Variants in ZNF496 observed in about 807,000 individuals in gnomAD.
ZNF496 encodes zinc finger protein 496, also known as NSD1 (nuclear receptor binding SET-domain containing 1)-interacting zinc finger protein 1.
In ZNF496, 11 loss-of-function variants were observed where a neutral mutation model predicts 58.9. The observed-to-expected ratio is 0.19, with a 90% CI of 0.12 to 0.31. The LOEUF (loss-of-function observed/expected upper bound fraction) is 0.31, where lower values mean the gene tolerates loss of function less well. ZNF496 is among the 10% of genes least tolerant of loss of function. The probability of loss-of-function intolerance (pLI) is 1.00; values close to 1 mark genes in which losing one functional copy is unlikely to be tolerated. For synonymous variants in ZNF496, 338 were observed against 318.2 expected, an observed-to-expected ratio of 1.06 and a Z score of -0.66; for missense variants, 660 against 783.0, an observed-to-expected ratio of 0.84 and a Z score of 1.88.
At position 247,310,353 on chromosome 1, in the gene ZNF496, C is replaced by T. The variant is rs1232066630; in HGVS notation, c.755G>A (p.Gly252Glu). The T allele has an allele frequency of 6.8e-6, 11 of 1,614,038 alleles. No homozygotes were observed. The highest frequency in any genetic ancestry group is 9.3e-6 in the Non-Finnish European group (11 of 1,180,036). Reference protein sequence around the residue: ...QTGFYGEFIIGEDYGVSMPPN... With the variant: ...QTGFYGEFIIEEDYGVSMPPN... ...AGGCATTGAGACCCCGTAATCCTCC[C>T]CAATGATGAACTCTCCATAGAAGCC... Residue 252 changes from glycine (G) to glutamate (E), a missense_variant, in exon 7 of 10, where the codon GGG becomes GAG. Coordinates refer to ENST00000682384, the MANE Select transcript of ZNF496 (RefSeq NM_032752.3).
chr1:247,313,314 G>A (rs1778549), intron 6 of ZNF496: 47,356 of 152,186 alleles, frequency 0.31, 8,842 homozygotes, highest in East Asian at 0.52. Flanking sequence ...CTGGGGCTGA[G>A]GGAAGAGCCC....
In ZNF496 at chr1:247,327,773, G is replaced by A. The variant is rs201235971; in HGVS notation, c.574+910C>T. Among the ~76,000 whole-genome samples the A allele has an allele frequency of 1.4e-3, 104 of 74,198 alleles. 2 individuals carry two copies. The highest frequency in any genetic ancestry group is 2.0e-3 in the East Asian group (3 of 1,538). 48.7% of individuals were successfully genotyped at this position (74,198 alleles called of 152,430 possible). On this transcript the variant is annotated intron_variant, in intron 5 of 9. Coordinates refer to ENST00000682384, the MANE Select transcript of ZNF496 (RefSeq NM_032752.3). ...ACACTCTCTTTCCATTGTACCTATA[G>A]AGCACTATGGCAAGTCCACCCAGAG...
rs769431085 is a variant in ZNF496, at chr1:247,308,128, C to T, written c.1006+347G>A. ...CCCTGGGAAAGGCAAGGAGGGTGAG[C>T]CTGGGATTGGGAGTGAGCTGGAGAA... On this transcript the variant is annotated intron_variant, in intron 9 of 9. Transcript: ENST00000682384. This position sits in a 1 kb window ranked among gnomAD's most constrained non-coding sequence, Gnocchi z 4.5. 9.5e-6 allele frequency: 6 copies of T among 630,110 alleles called. No individual in the cohort carries two copies. Among genetic ancestry groups the T allele is most frequent in the Non-Finnish European group, 1.2e-5 (6 of 505,362 alleles). 39.0% of individuals were successfully genotyped at this position (630,110 alleles called of 1,614,324 possible).
In ZNF496 at chr1:247,309,866, G is replaced by C. The variant is rs1387733279; in HGVS notation, c.785-60C>G. 1 of 1,582,504 alleles carries C rather than the reference G, an allele frequency of 6.3e-7. No individual in the cohort carries two copies. Among genetic ancestry groups the C allele is most frequent in the Non-Finnish European group, 8.6e-7 (1 of 1,156,994 alleles). On this transcript the variant is annotated intron_variant, in intron 7 of 9. Transcript: ENST00000682384. This position sits in a 1 kb window ranked among gnomAD's most constrained non-coding sequence, Gnocchi z 4.3. ...AGTAATCTGATCCTGCAGCAACCAG[G>C]GCTGGTCCAGAAGAGAGAAGGCGGA...
intron 5 of ZNF496, 91 bp downstream of exon 5, chr1:247,328,592 G>C (rs114312265): frequency 7.6e-6 from 10 of 1,319,418 alleles, no homozygotes; most frequent in Non-Finnish European, 1.0e-5. Flanking sequence ...TGATGTAAAA[G>C]CCATCAGCTT....
At chr1:247,326,115 T>C (rs1039541073) in intron 5 of ZNF496, among the ~76,000 whole-genome samples, 13 of 149,392 alleles carry the variant, frequency 8.7e-5, no homozygotes, top group African/African-American at 2.2e-4. Context: ...TACACACACA[T>C]ATATATACAT....
rs1403660720 is a variant in ZNF496, at chr1:247,301,126, G to T, written c.1157C>A (p.Pro386His). 4.3e-6 allele frequency: 7 copies of T among 1,613,750 alleles called. No homozygotes were observed. Among genetic ancestry groups the T allele is most frequent in the Non-Finnish European group, 5.9e-6 (7 of 1,179,996 alleles). The change falls in exon 10 of 10, where the codon CCC becomes CAC. Residue 386 changes from proline to histidine, a missense_variant. Physicochemically the swap from Pro to His is moderately conservative, Grantham distance 77 (BLOSUM62 -2). Coordinates refer to ENST00000682384, the MANE Select transcript of ZNF496 (RefSeq NM_032752.3). ...CTCGGTGCTGCTCCGGTGGGAGGCGGGGAGGCTGCGCTGCTTCTCTGTGGG... is the reference window on the plus strand; with the variant it reads ...CTCGGTGCTGCTCCGGTGGGAGGCGTGGAGGCTGCGCTGCTTCTCTGTGGG... The part of the protein sequence containing the change: ...GSPTEKQRSL[P>H]ASHRSSTEAG...
rs1659153549 is a variant in ZNF496 at position 247,298,833 on chromosome 1, T to C, written c.*1686A>G. On this transcript the variant is annotated 3_prime_UTR_variant, in exon 10 of 10. Coordinates refer to ENST00000682384, the MANE Select transcript of ZNF496 (RefSeq NM_032752.3). ...TCCAGGAACAATACCATGTTTTAAATTGCTTGAGGTTTCACTACCTGCTGT... is the reference window on the plus strand; with the variant it reads ...TCCAGGAACAATACCATGTTTTAAACTGCTTGAGGTTTCACTACCTGCTGT... The C allele has an allele frequency of 6.6e-6, 1 of 152,204 alleles. No individual in the cohort carries two copies. Among genetic ancestry groups the C allele is most frequent in the Non-Finnish European group, 1.5e-5 (1 of 68,048 alleles). 9.4% of individuals were successfully genotyped at this position (152,204 alleles called of 1,614,324 possible).
intron 9 of ZNF496, among the ~76,000 whole-genome samples, chr1:247,305,992 TATG>T (rs1248178800): frequency 2.0e-5 from 3 of 152,182 alleles, no homozygotes; most frequent in African/African-American, 7.2e-5. Flanking sequence ...TGGAAGAAAC[TATG>T]TATGAATACA....
chr1:247,329,308 G>A lies in ZNF496; in HGVS notation c.271C>T (p.Leu91=). The change falls in exon 4 of 10, where the codon CTG becomes TTG. Residue 91 remains leucine (L), a synonymous_variant. Coordinates refer to ENST00000682384, the MANE Select transcript of ZNF496 (RefSeq NM_032752.3). The surrounding 1 kb of genome is among the most constrained non-coding windows in gnomAD (Gnocchi z 5.5). Reference sequence around the variant, plus strand: ...TGGATCTCCCGGGGCAGGATGGCCAGGAACTGCTCCAGCACCAGCAGCTCC... The same window carrying A: ...TGGATCTCCCGGGGCAGGATGGCCAAGAACTGCTCCAGCACCAGCAGCTCC... ...ILELLVLEQF[L]AILPREIQSW... 1 of 1,613,676 alleles carries A rather than the reference G, an allele frequency of 6.2e-7. No individual in the cohort carries two copies. The highest frequency in any genetic ancestry group is 8.5e-7 in the Non-Finnish European group (1 of 1,179,976).
At chr1:247,304,443 C>T (rs1659344749) in intron 9 of ZNF496, among the ~76,000 whole-genome samples, 1 of 150,864 alleles carries the variant, frequency 6.6e-6, no homozygotes, top group African/African-American at 2.4e-5. Context: ...ATGATCTTGG[C>T]TCACTGCAAC....
In ZNF496 at chr1:247,329,609, G is replaced by A; in HGVS notation, c.-31C>T. On this transcript the variant is annotated 5_prime_UTR_variant, in exon 4 of 10. Transcript: ENST00000682384. The surrounding 1 kb of genome is among the most constrained non-coding windows in gnomAD (Gnocchi z 5.5). ...GATTTGATGGGGGTCAGCAGCAGAA[G>A]ACGACCCTATTTCCAAACAGAAATC... is the stretch of plus-strand genomic sequence containing the variant. 6.6e-7 allele frequency: 1 copy of A among 1,521,832 alleles called. No individual in the cohort carries two copies. The highest frequency in any genetic ancestry group is 8.8e-7 in the Non-Finnish European group (1 of 1,138,990). 94.3% of individuals were successfully genotyped at this position (1,521,832 alleles called of 1,614,324 possible). A position where few individuals can be genotyped will look rare whatever the true frequency, so the allele number is the denominator to read the frequency against.
At chr1:247,324,214 A>T (rs1219248475) in intron 5 of ZNF496, among the ~76,000 whole-genome samples, 1 of 152,272 alleles carries the variant, frequency 6.6e-6, no homozygotes, top group Non-Finnish European at 1.5e-5. Context: ...AATAAGCCAG[A>T]CACAAAAAGA....
chr1:247,309,807 C>T lies in ZNF496; in HGVS notation c.785-1G>A, dbSNP rs764882082. ...AGATCTGGCTGGGCAGCTAGGTCGT[C>T]TGTTCAAAGAAAAAGGCAGGGTACA... On this transcript the variant is annotated splice_acceptor_variant, in intron 7 of 9. Coordinates refer to ENST00000682384, the MANE Select transcript of ZNF496 (RefSeq NM_032752.3). LOFTEE classifies it high-confidence loss of function. This position sits in a 1 kb window ranked among gnomAD's most constrained non-coding sequence, Gnocchi z 4.3. 6.2e-7 allele frequency: 1 copy of T among 1,614,036 alleles called. No homozygotes were observed. Among genetic ancestry groups the T allele is most frequent in the South Asian group, 1.1e-5 (1 of 91,058 alleles).
At chr1:247,325,692 G>A (rs370306582) in intron 5 of ZNF496, among the ~76,000 whole-genome samples, 5 of 151,982 alleles carry the variant, frequency 3.3e-5, no homozygotes, top group Non-Finnish European at 5.9e-5. Flanking sequence ...GTGGGTTCTC[G>A]CTATGTTGCC....
intron 9 of ZNF496, among the ~76,000 whole-genome samples, chr1:247,305,729 A>C (rs888216151): frequency 2.6e-5 from 4 of 152,276 alleles, no homozygotes; most frequent in Non-Finnish European, 4.4e-5. Context: ...TTTCTCAAGC[A>C]AGGCATAAAA....
rs1361196303 is a variant in ZNF496 at position 247,299,858 on chromosome 1, A to G, written c.*661T>C. ...GTATGACGACTGTTTCCAAACCTCA[A>G]GAAGGAGCTCTGCAGACCCCTGCCA... is the stretch of plus-strand genomic sequence containing the variant. On this transcript the variant is annotated 3_prime_UTR_variant, in exon 10 of 10. Coordinates refer to ENST00000682384, the MANE Select transcript of ZNF496 (RefSeq NM_032752.3). The G allele has an allele frequency of 1.3e-5, 2 of 152,186 alleles. No homozygotes were observed. Among genetic ancestry groups the G allele is most frequent in the African/African-American group, 2.4e-5 (1 of 41,458 alleles). 9.4% of individuals were successfully genotyped at this position (152,186 alleles called of 1,614,324 possible). A position where few individuals can be genotyped will look rare whatever the true frequency, so the allele number is the denominator to read the frequency against.
In ZNF496 at chr1:247,326,004, G is replaced by T. The variant is rs186813127; in HGVS notation, c.574+2679C>A. ...GCCTGTAATCCCAACACTTTGGGAG[G>T]CTGAGACATATGTATATATATATAT... On this transcript the variant is annotated intron_variant, in intron 5 of 9. Transcript: ENST00000682384. Among the ~76,000 whole-genome samples the T allele has an allele frequency of 3.7e-3, 551 of 150,364 alleles. 5 individuals are homozygous for T. The highest frequency in any genetic ancestry group is 6.4e-3 in the Admixed American group (96 of 15,050).
At position 247,299,469 on chromosome 1, in the gene ZNF496, GA is replaced by G. The variant is rs1401589044; in HGVS notation, c.*1049del. 1 of 152,260 alleles carries G rather than the reference GA, an allele frequency of 6.6e-6. No homozygotes were observed. Among genetic ancestry groups the G allele is most frequent in the East Asian group, 1.9e-4 (1 of 5,196 alleles). The allele number at this position is 152,260 out of a possible 1,614,324, so 9.4% of individuals were successfully genotyped here. A position where few individuals can be genotyped will look rare whatever the true frequency, so the allele number is the denominator to read the frequency against. On this transcript the variant is annotated 3_prime_UTR_variant, in exon 10 of 10. Coordinates refer to ENST00000682384, the MANE Select transcript of ZNF496 (RefSeq NM_032752.3). Reference sequence around the variant, plus strand: ...CCTGATCTTGGACGTGCACCTCCCAGAACTGTCAGGGAATACACTCCTGTTG... The same window carrying G: ...CCTGATCTTGGACGTGCACCTCCCAGACTGTCAGGGAATACACTCCTGTTG...
Sources: allele counts gnomAD v4.1 joint callset (sites outside exome capture counted in the v4.1 genomes callset), GRCh38; gene constraint gnomAD v4.1.1; non-coding constraint Gnocchi (gnomAD v3.1); transcripts MANE v1.5; gene names NCBI Gene and HGNC (gene_info 2026-07-23, HGNC 2026-07-21).